The following SUPT20HL1 variants were observed in gnomAD, a reference collection of about 807,000 sequenced individuals.
SUPT20HL1 encodes the protein SUPT20H like 1, also known as transcription factor SPT20 homolog-like 1.
For missense variants in SUPT20HL1, 277 were observed against 200.3 expected, an observed-to-expected ratio of 1.38 and a Z score of -2.31; for synonymous variants, 133 against 79.2, an observed-to-expected ratio of 1.68 and a Z score of -3.61.
At position 24,365,242 on chromosome X, in the gene SUPT20HL1, T is replaced by C; in HGVS notation, c.2482T>C (p.Leu828=). 2.6e-6 allele frequency: 1 copy of C among 379,327 alleles called. No individual in the cohort carries two copies. 31.3% of individuals were successfully genotyped at this position (379,327 alleles called of 1,213,427 possible). Residue 828 remains leucine (L), a synonymous_variant, in exon 1 of 1, where the codon TTG becomes CTG. Coordinates refer to ENST00000686983, the MANE Select transcript of SUPT20HL1 (RefSeq NM_001136234.3). ...PQHIQLQTQQ[L]RVLQQPQHIQ... is the part of the protein sequence containing the mutation. Reference sequence around the variant, plus strand: ...GCATATCCAGCTCCAGACTCAGCAGTTGAGAGTCTTGCAGCAGCCGCAGCA... The same window carrying C: ...GCATATCCAGCTCCAGACTCAGCAGCTGAGAGTCTTGCAGCAGCCGCAGCA...
rs1355270838 is a variant in SUPT20HL1, at chrX:24,364,873, C to T, written c.2113C>T (p.Gln705Ter). ...GACCGGCCCGCAGCAGCAGTCCCAT[C>T]AGCTGGTTTCCCTGCAGCAGCTCCA... ...VLTGPQQQSH[Q>*]LVSLQQLQQP... The change falls in exon 1 of 1, where the codon CAG becomes TAG. Residue 705 changes from glutamine to a stop codon, truncating the protein, a stop_gained. Transcript: ENST00000686983. LOFTEE classifies it low-confidence loss of function (END_TRUNC). The T allele has an allele frequency of 2.6e-6, 1 of 387,892 alleles. No homozygotes were observed. The highest frequency in any genetic ancestry group is 7.4e-5 in the East Asian group (1 of 13,436). 32.0% of individuals were successfully genotyped at this position (387,892 alleles called of 1,213,427 possible). A position where few individuals can be genotyped will look rare whatever the true frequency, so the allele number is the denominator to read the frequency against.
Position 24,364,353 on chromosome X carries a change from T to A in SUPT20HL1, c.1593T>A (p.Ala531=), listed in dbSNP as rs1321800126. 1.4e-6 allele frequency: 1 copy of A among 693,344 alleles called. No homozygotes were observed. Among genetic ancestry groups the A allele is most frequent in the East Asian group, 3.6e-5 (1 of 27,545 alleles). 57.1% of individuals were successfully genotyped at this position (693,344 alleles called of 1,213,427 possible). A position where few individuals can be genotyped will look rare whatever the true frequency, so the allele number is the denominator to read the frequency against. The change falls in exon 1 of 1, where the codon GCT becomes GCA. Residue 531 remains alanine (A), a synonymous_variant. Coordinates refer to ENST00000686983, the MANE Select transcript of SUPT20HL1 (RefSeq NM_001136234.3). ...ALAAAAAPAL[A]AAAAPALAAA... ...CTGCTGCTGCTGCTCCTGCTCTAGC[T>A]GCTGCTGCTGCTCCTGCTCTAGCTG...
In SUPT20HL1 at chrX:24,363,626, G is replaced by A. The variant is rs1293858585; in HGVS notation, c.866G>A (p.Cys289Tyr). The A allele has an allele frequency of 5.2e-6, 2 of 387,277 alleles. No homozygotes were observed. Among genetic ancestry groups the A allele is most frequent in the South Asian group, 4.7e-5 (2 of 42,794 alleles). The allele number at this position is 387,277 out of a possible 1,213,427, so 31.9% of individuals were successfully genotyped here. The change falls in exon 1 of 1, where the codon TGT becomes TAT. Residue 289 changes from cysteine (C) to tyrosine (Y), a missense_variant. Coordinates refer to ENST00000686983, the MANE Select transcript of SUPT20HL1 (RefSeq NM_001136234.3). ...CTGAACATTGCTAAAGCAGGAAGTTGTGTAGACACGTGGAAAGGCAGACCC... is the reference window on the plus strand; with the variant it reads ...CTGAACATTGCTAAAGCAGGAAGTTATGTAGACACGTGGAAAGGCAGACCC... ...CELNIAKAGS[C>Y]VDTWKGRPCD...
At position 24,364,374 on chromosome X, in the gene SUPT20HL1, A is replaced by T. The variant is rs866189148; in HGVS notation, c.1614A>T (p.Leu538=). Residue 538 remains leucine (L), a synonymous_variant, in exon 1 of 1, where the codon CTA becomes CTT. Coordinates refer to ENST00000686983, the MANE Select transcript of SUPT20HL1 (RefSeq NM_001136234.3). The part of the protein sequence containing the change: ...PALAAAAAPA[L]AAAAAPAPAP... The stretch of plus-strand genomic sequence containing the variant: ...TAGCTGCTGCTGCTGCTCCTGCTCT[A>T]GCTGCTGCTGCTGCTCCTGCTCCTG... The T allele has an allele frequency of 9.1e-6, 5 of 549,514 alleles. No individual in the cohort carries two copies. In the African/African-American group the frequency reaches 2.6e-4, roughly 29 times the overall value. The allele number at this position is 549,514 out of a possible 1,213,427, so 45.3% of individuals were successfully genotyped here. A position where few individuals can be genotyped will look rare whatever the true frequency, so the allele number is the denominator to read the frequency against.
rs891307396 is a variant in SUPT20HL1 at position 24,366,108 on chromosome X, T to A, written c.*684T>A. 7.2e-5 allele frequency among the ~76,000 whole-genome samples: 8 copies of A among 111,633 alleles called. No individual in the cohort carries two copies. The highest frequency in any genetic ancestry group is 2.0e-4 in the African/African-American group (6 of 30,689). ...TATGGCATTTGTCATTTGATGAGTGTCTTATCTCACTTGGCATAATGTCCT... is the reference window on the plus strand; with the variant it reads ...TATGGCATTTGTCATTTGATGAGTGACTTATCTCACTTGGCATAATGTCCT... On this transcript the variant is annotated 3_prime_UTR_variant, in exon 1 of 1. Coordinates refer to ENST00000686983, the MANE Select transcript of SUPT20HL1 (RefSeq NM_001136234.3).
Position 24,362,086 on chromosome X carries a change from C to A in SUPT20HL1, c.-675C>A, listed in dbSNP as rs1433182073. Among the ~76,000 whole-genome samples, 1 of 112,710 alleles carries A rather than the reference C, an allele frequency of 8.9e-6. No homozygotes were observed. The highest frequency in any genetic ancestry group is 1.9e-5 in the Non-Finnish European group (1 of 53,335). ...CCATGATTTCCCGACAGCGGCATTC[C>A]TGTGGAAACTGATGTCTATGCACGG... On this transcript the variant is annotated 5_prime_UTR_variant, in exon 1 of 1. In the 5' UTR this introduces an upstream ATG that the reference lacks. Transcript: ENST00000686983.
chrX:24,367,369 T>A lies in SUPT20HL1; in HGVS notation c.*1945T>A, dbSNP rs756648508. ...TATATAATATTTGTTTTTCTAAGTA[T>A]ACATGTATGTTTCTCTGCCTTTTGC... On this transcript the variant is annotated 3_prime_UTR_variant, in exon 1 of 1. Transcript: ENST00000686983. Among the ~76,000 whole-genome samples the A allele has an allele frequency of 2.8e-4, 31 of 112,577 alleles. No homozygotes were observed. The highest frequency in any genetic ancestry group is 1.0e-3 in the African/African-American group (31 of 31,048).
In SUPT20HL1 at chrX:24,364,329, T is replaced by A. The variant is rs924414740; in HGVS notation, c.1569T>A (p.Ala523=). 1.6e-5 allele frequency: 11 copies of A among 692,916 alleles called. No individual in the cohort carries two copies. Among genetic ancestry groups the A allele is most frequent in the Non-Finnish European group, 2.2e-5 (11 of 505,193 alleles). 57.1% of individuals were successfully genotyped at this position (692,916 alleles called of 1,213,427 possible). A position where few individuals can be genotyped will look rare whatever the true frequency, so the allele number is the denominator to read the frequency against. The change falls in exon 1 of 1, where the codon GCT becomes GCA. Residue 523 remains alanine, a synonymous_variant. Transcript: ENST00000686983. ...AAAAAPAPAL[A]AAAAPALAAA... is the part of the protein sequence containing the mutation. ...CTGCTGCTCCTGCTCCTGCTCTAGC[T>A]GCTGCTGCTGCTCCTGCTCTAGCTG...
Position 24,366,438 on chromosome X carries a change from G to A in SUPT20HL1, c.*1014G>A, listed in dbSNP as rs1223853455. 8.9e-6 allele frequency among the ~76,000 whole-genome samples: 1 copy of A among 112,240 alleles called. No homozygotes were observed. The highest frequency in any genetic ancestry group is 2.8e-4 in the East Asian group (1 of 3,587). On this transcript the variant is annotated 3_prime_UTR_variant, in exon 1 of 1. Coordinates refer to ENST00000686983, the MANE Select transcript of SUPT20HL1 (RefSeq NM_001136234.3). ...TGGAATTAGTGGCAGATTTGCTTGT[G>A]ACAGTCCCCTGCCCTTTCAAAGGCC...
Position 24,365,386 on chromosome X carries a change from C to A in SUPT20HL1, c.2626C>A (p.Gln876Lys). 7.8e-6 allele frequency: 3 copies of A among 385,501 alleles called. No individual in the cohort carries two copies. The highest frequency in any genetic ancestry group is 8.6e-4 in the Middle Eastern group (2 of 2,329). The allele number at this position is 385,501 out of a possible 1,213,427, so 31.8% of individuals were successfully genotyped here. The change falls in exon 1 of 1, where the codon CAG becomes AAG. Residue 876 changes from glutamine to lysine, a missense_variant. Gln to Lys is a moderately conservative substitution (Grantham distance 53, BLOSUM62 1). Transcript: ENST00000686983. The stretch of plus-strand genomic sequence containing the variant: ...GCAAGTAGGGAGCCAGTTGGTAGAT[C>A]AGAGGAAGGAAGGCAAGCCAACCCC... ...GVQVGSQLVD[Q>K]RKEGKPTPPA... is the part of the protein sequence containing the mutation.
In SUPT20HL1 at chrX:24,364,552, G is replaced by T. The variant is rs1313812320; in HGVS notation, c.1792G>T (p.Ala598Ser). The T allele has an allele frequency of 1.3e-5, 7 of 548,444 alleles. No homozygotes were observed. The highest frequency in any genetic ancestry group is 2.4e-5 in the Non-Finnish European group (7 of 296,138). 45.2% of individuals were successfully genotyped at this position (548,444 alleles called of 1,213,427 possible). A position where few individuals can be genotyped will look rare whatever the true frequency, so the allele number is the denominator to read the frequency against. ...CACCAAATTCATAAAAATAGCGCCA[G>T]CCATTCAGTTGAGGACAGGCTCCAC... The part of the protein sequence containing the change: ...PPTKFIKIAP[A>S]IQLRTGSTGL... Residue 598 changes from alanine (A) to serine (S), a missense_variant, in exon 1 of 1, where the codon GCC (alanine) becomes TCC (serine). Coordinates refer to ENST00000686983, the MANE Select transcript of SUPT20HL1 (RefSeq NM_001136234.3).
rs1173205304 is a variant in SUPT20HL1, at chrX:24,361,834, G to A, written c.-927G>A. Among the ~76,000 whole-genome samples the A allele has an allele frequency of 8.9e-6, 1 of 112,145 alleles. No homozygotes were observed. The highest frequency in any genetic ancestry group is 9.4e-5 in the Admixed American group (1 of 10,598). ...ATGTAAATGAACGTCAGGTACTGAT[G>A]CATCTACATGAACACCCCCAGGCGG... On this transcript the variant is annotated 5_prime_UTR_variant, in exon 1 of 1. It removes an upstream start codon present in the reference 5' UTR. Coordinates refer to ENST00000686983, the MANE Select transcript of SUPT20HL1 (RefSeq NM_001136234.3).
Position 24,364,548 on chromosome X carries a change from G to C in SUPT20HL1, c.1788G>C (p.Ala596=). ...AQPPTKFIKI[A]PAIQLRTGST... is the part of the protein sequence containing the mutation. ...CCCCCACCAAATTCATAAAAATAGC[G>C]CCAGCCATTCAGTTGAGGACAGGCT... Residue 596 remains alanine, a synonymous_variant, in exon 1 of 1, where the codon GCG becomes GCC. Coordinates refer to ENST00000686983, the MANE Select transcript of SUPT20HL1 (RefSeq NM_001136234.3). 1 of 550,348 alleles carries C rather than the reference G, an allele frequency of 1.8e-6. No homozygotes were observed. Among genetic ancestry groups the C allele is most frequent in the South Asian group, 2.2e-5 (1 of 44,519 alleles). The allele number at this position is 550,348 out of a possible 1,213,427, so 45.4% of individuals were successfully genotyped here.
chrX:24,364,962 G>A lies in SUPT20HL1; in HGVS notation c.2202G>A (p.Thr734=). Residue 734 remains threonine (T), a synonymous_variant, in exon 1 of 1, where the codon ACG becomes ACA. Coordinates refer to ENST00000686983, the MANE Select transcript of SUPT20HL1 (RefSeq NM_001136234.3). ...GPQGSALGLS[T]QGQAFPAQQL... is the part of the protein sequence containing the mutation. ...AGGGTTCCGCACTAGGTTTGAGCAC[G>A]CAAGGGCAGGCCTTCCCTGCTCAGC... The A allele has an allele frequency of 5.2e-6, 2 of 385,994 alleles. No homozygotes were observed. Among genetic ancestry groups the A allele is most frequent in the South Asian group, 2.3e-5 (1 of 42,628 alleles). 31.8% of individuals were successfully genotyped at this position (385,994 alleles called of 1,213,427 possible). A position where few individuals can be genotyped will look rare whatever the true frequency, so the allele number is the denominator to read the frequency against.
rs1939463149 is a variant in SUPT20HL1 at position 24,364,396 on chromosome X, C to CCTGCTCCTGCCG, written c.1647_1658dup (p.Ala550_Ala553dup). On this transcript the variant is annotated inframe_insertion, in exon 1 of 1. Coordinates refer to ENST00000686983, the MANE Select transcript of SUPT20HL1 (RefSeq NM_001136234.3). ...TCTAGCTGCTGCTGCTGCTCCTGCT[C>CCTGCTCCTGCCG]CTGCTCCTGCCGCTGCTCCTGCTGT... The CCTGCTCCTGCCG allele has an allele frequency of 1.7e-6, 1 of 591,311 alleles. No homozygotes were observed. The highest frequency in any genetic ancestry group is 2.8e-6 in the Non-Finnish European group (1 of 354,745). The allele number at this position is 591,311 out of a possible 1,213,427, so 48.7% of individuals were successfully genotyped here.
rs748810658 is a variant in SUPT20HL1, at chrX:24,364,374, AGCT to A, written c.1627_1629del (p.Ala543del). On this transcript the variant is annotated inframe_deletion, in exon 1 of 1. Coordinates refer to ENST00000686983, the MANE Select transcript of SUPT20HL1 (RefSeq NM_001136234.3). ...TAGCTGCTGCTGCTGCTCCTGCTCT[AGCT>A]GCTGCTGCTGCTCCTGCTCCTGCTC... 3 of 549,294 alleles carry A rather than the reference AGCT, an allele frequency of 5.5e-6. No individual in the cohort carries two copies. Among genetic ancestry groups the A allele is most frequent in the East Asian group, 8.4e-5 (2 of 23,923 alleles). The allele number at this position is 549,294 out of a possible 1,213,427, so 45.3% of individuals were successfully genotyped here.
chrX:24,361,286 AATTCG>A lies in SUPT20HL1; in HGVS notation c.-1474_-1470del, dbSNP rs1939425291. Reference sequence around the variant, plus strand: ...GGGAAACCCAAGTGAAGACAGGGGCAATTCGCCAGCTGAAGATCGAGTCCATCCCA... The same window carrying A: ...GGGAAACCCAAGTGAAGACAGGGGCACCAGCTGAAGATCGAGTCCATCCCA... On this transcript the variant is annotated 5_prime_UTR_variant, in exon 1 of 1. An upstream open reading frame in the 5' UTR gains an earlier in-frame stop. Coordinates refer to ENST00000686983, the MANE Select transcript of SUPT20HL1 (RefSeq NM_001136234.3). 1.8e-5 allele frequency among the ~76,000 whole-genome samples: 2 copies of A among 112,504 alleles called. No homozygotes were observed. The highest frequency in any genetic ancestry group is 6.5e-5 in the African/African-American group (2 of 30,950).
Position 24,366,004 on chromosome X carries a change from G to A in SUPT20HL1, c.*580G>A, listed in dbSNP as rs1403372052. ...GAACAGCAGCTCCCCATTCTCCCTTGCCCAGTCCCTGGCAGCCATTGTTCT... is the reference window on the plus strand; with the variant it reads ...GAACAGCAGCTCCCCATTCTCCCTTACCCAGTCCCTGGCAGCCATTGTTCT... On this transcript the variant is annotated 3_prime_UTR_variant, in exon 1 of 1. Coordinates refer to ENST00000686983, the MANE Select transcript of SUPT20HL1 (RefSeq NM_001136234.3). Among the ~76,000 whole-genome samples the A allele has an allele frequency of 7.2e-5, 8 of 111,038 alleles. No homozygotes were observed. The highest frequency in any genetic ancestry group is 1.5e-4 in the Non-Finnish European group (8 of 52,986).
At position 24,366,609 on chromosome X, in the gene SUPT20HL1, A is replaced by G. The variant is rs1207274082; in HGVS notation, c.*1185A>G. 9.5e-6 allele frequency among the ~76,000 whole-genome samples: 1 copy of G among 105,780 alleles called. No individual in the cohort carries two copies. The highest frequency in any genetic ancestry group is 1.9e-5 in the Non-Finnish European group (1 of 52,084). The allele number at this position is 105,780 out of a possible 115,157, so 91.9% of individuals were successfully genotyped here. ...GAAACATTTAGTGAAACATTTGAAA[A>G]TCCATTTTATTGGTTTGCTTTTCAA... On this transcript the variant is annotated 3_prime_UTR_variant, in exon 1 of 1. Coordinates refer to ENST00000686983, the MANE Select transcript of SUPT20HL1 (RefSeq NM_001136234.3).
Sources: gnomAD v4.1 joint callset for allele counts (sites outside exome capture counted in the v4.1 genomes callset) on GRCh38, gnomAD v4.1.1 for gene constraint, MANE v1.5 for transcripts, NCBI Gene and HGNC (gene_info 2026-07-23, HGNC 2026-07-21) for gene names.